SLC8A1: variants seen among roughly 807,000 people sequenced by gnomAD.
SLC8A1 encodes the protein solute carrier family 8 member A1.
Under a neutral mutation model 68.3 loss-of-function variants are expected in SLC8A1, and 18 were observed. The observed-to-expected ratio is 0.26, with a 90% CI of 0.18 to 0.39. The LOEUF (loss-of-function observed/expected upper bound fraction) is 0.39, where lower values mean the gene tolerates loss of function less well. SLC8A1 is among the 10% of genes least tolerant of loss of function. The pLI, the probability that SLC8A1 is intolerant of heterozygous loss-of-function variation, is 1.00. For missense variants in SLC8A1, 985 were observed against 1,156.7 expected (o/e 0.85, Z 2.15); for synonymous variants, 475 against 415.5 (o/e 1.14, Z -1.74).
At chr2:40,436,820 A>G (rs1258994200) in intron 1 of SLC8A1, among the ~76,000 whole-genome samples, 1 of 152,170 alleles carries the variant, frequency 6.6e-6, no homozygotes, top group Non-Finnish European at 1.5e-5. Context: ...TAGAAAATAA[A>G]TAAAAAAGAA....
Position 40,149,934 on chromosome 2 carries a change from A to T in SLC8A1, c.2162-10258T>A, listed in dbSNP as rs530751983. 2.6e-5 allele frequency among the ~76,000 whole-genome samples: 4 copies of T among 152,148 alleles called. No individual in the cohort carries two copies. In the East Asian group the frequency reaches 7.7e-4, roughly 29 times the overall value. The stretch of plus-strand genomic sequence containing the variant: ...CTGATGGTTAAGGCGTTGGTTCTAC[A>T]ACTCCAGAAGAAAAATGAGCAATGC... On this transcript the variant is annotated intron_variant, in intron 6 of 7. Coordinates refer to ENST00000406785, the Ensembl canonical transcript of SLC8A1.
intron 6 of SLC8A1, among the ~76,000 whole-genome samples, chr2:40,145,873 T>C (rs2148334831): frequency 6.6e-6 from 1 of 152,360 alleles, no homozygotes; most frequent in East Asian, 1.9e-4. Flanking sequence ...GCTTTTACCT[T>C]ATGTCTAGTG....
chr2:40,298,309 T>G (rs551978410), intron 2 of SLC8A1, among the ~76,000 whole-genome samples: 1 of 152,200 alleles, frequency 6.6e-6, no homozygotes, highest in Non-Finnish European at 1.5e-5. Context: ...CCACCAAAAC[T>G]CCGGCTAGCA....
At chr2:40,335,308 T>C (rs1017856392) in intron 2 of SLC8A1, among the ~76,000 whole-genome samples, 2 of 152,216 alleles carry the variant, frequency 1.3e-5, no homozygotes, top group African/African-American at 4.8e-5. Flanking sequence ...TCTAATTTCC[T>C]AGAATATCAA....
intron 2 of SLC8A1, among the ~76,000 whole-genome samples, chr2:40,286,106 C>T (rs1383537860): frequency 8.5e-5 from 13 of 152,164 alleles, no homozygotes; most frequent in Admixed American, 2.6e-4. Context: ...GTCTAGTACA[C>T]GACAGACAGT....
At chr2:40,405,962 CT>C (rs1690200086) in intron 2 of SLC8A1, among the ~76,000 whole-genome samples, 2 of 152,158 alleles carry the variant, frequency 1.3e-5, no homozygotes, top group South Asian at 4.1e-4. Flanking sequence ...TCTTCAAAGA[CT>C]ACTATAATCT....
At chr2:40,306,816 C>A (rs950878163) in intron 2 of SLC8A1, among the ~76,000 whole-genome samples, 6 of 152,134 alleles carry the variant, frequency 3.9e-5, no homozygotes, top group African/African-American at 1.4e-4. Flanking sequence ...TCCAATTTTC[C>A]TATCCAGGGA....
chr2:40,359,767 G>C (rs191231521), intron 2 of SLC8A1, among the ~76,000 whole-genome samples: 18 of 152,158 alleles, frequency 1.2e-4, no homozygotes, highest in Admixed American at 7.9e-4. Flanking sequence ...CTATAATAGA[G>C]GCATGGATTC....
intron 2 of SLC8A1, among the ~76,000 whole-genome samples, chr2:40,409,287 G>A (rs556671716): frequency 8.4e-4 from 127 of 151,802 alleles, no homozygotes; most frequent in African/African-American, 2.7e-3. Context: ...TTTTTCCTAC[G>A]GGAAAAAACA....
intron 2 of SLC8A1, among the ~76,000 whole-genome samples, chr2:40,316,502 T>C (rs2074466120): frequency 6.6e-6 from 1 of 150,940 alleles, no homozygotes; most frequent in Non-Finnish European, 1.5e-5. Context: ...TGGTTCATTA[T>C]AAATATTAAA....
chr2:40,289,810 G>A (rs560325968), intron 2 of SLC8A1, among the ~76,000 whole-genome samples: 26 of 152,032 alleles, frequency 1.7e-4, no homozygotes, highest in South Asian at 8.3e-4. Context: ...GCAGTGAGCC[G>A]AGATCGTGCC....
At chr2:40,353,596 G>A (rs905248335) in intron 2 of SLC8A1, among the ~76,000 whole-genome samples, 3 of 152,018 alleles carry the variant, frequency 2.0e-5, no homozygotes, top group Non-Finnish European at 4.4e-5. Flanking sequence ...GAGAACTGTC[G>A]ACTGTGGTAA....
exon 8 of SLC8A1, chr2:40,097,591 G>A (rs973692415): frequency 1.3e-5 from 2 of 151,934 alleles, no homozygotes; most frequent in East Asian, 1.9e-4. Context: ...TTTATTGTAT[G>A]TTTGTTAGGA....
intron 2 of SLC8A1, among the ~76,000 whole-genome samples, chr2:40,343,496 C>T (rs964816951): frequency 2.6e-5 from 4 of 152,172 alleles, no homozygotes; most frequent in African/African-American, 9.6e-5. Flanking sequence ...ATTTGTAAGG[C>T]ACTGTTCTAT....
chr2:40,157,336 C>T (rs543827227), intron 6 of SLC8A1, among the ~76,000 whole-genome samples: 3 of 141,978 alleles, frequency 2.1e-5, no homozygotes, highest in African/African-American at 7.6e-5. Context: ...GAGGTGTGAG[C>T]GAACTGAGAT....
At chr2:40,391,904 C>T (rs60088469) in intron 2 of SLC8A1, among the ~76,000 whole-genome samples, 1 of 152,068 alleles carries the variant, frequency 6.6e-6, no homozygotes, top group South Asian at 2.1e-4. Context: ...GCCCCACTGA[C>T]TAAATGTCCT....
At chr2:40,120,003 A>G (rs1409917154) in intron 7 of SLC8A1, among the ~76,000 whole-genome samples, 1 of 152,168 alleles carries the variant, frequency 6.6e-6, no homozygotes, top group East Asian at 1.9e-4. Flanking sequence ...TCAACATGCA[A>G]AAATAGGCCA....
intron 2 of SLC8A1, among the ~76,000 whole-genome samples, chr2:40,216,069 A>C (rs2057434135): frequency 6.7e-6 from 1 of 150,308 alleles, no homozygotes; most frequent in African/African-American, 2.5e-5. Context: ...ATACATGTGC[A>C]GAACGTGCAA....
chr2:40,380,437 C>A (rs918317029), intron 2 of SLC8A1, among the ~76,000 whole-genome samples: 3 of 152,086 alleles, frequency 2.0e-5, no homozygotes, highest in Non-Finnish European at 4.4e-5. Context: ...ATAGTCTTCA[C>A]AAGGAACTTT....
Sources: allele counts gnomAD v4.1 joint callset (sites outside exome capture counted in the v4.1 genomes callset), GRCh38; gene constraint gnomAD v4.1.1; transcripts MANE v1.5; gene names NCBI Gene and HGNC (gene_info 2026-07-23, HGNC 2026-07-21).